The following CDIN1 variants were observed in gnomAD, a reference collection of about 807,000 sequenced individuals.
CDIN1 encodes CDAN1 interacting nuclease 1, also known as CDAN1-interacting nuclease 1.
Under a neutral mutation model 45.3 loss-of-function variants are expected in CDIN1, and 33 were observed. The ratio of observed to expected loss-of-function variants is 0.73; its 90% CI spans 0.55 to 0.97. The LOEUF is 0.97. CDIN1 is among the 50% of genes least tolerant of loss of function. The pLI is 0.00. For missense variants in CDIN1, 303 were observed against 339.4 expected (o/e 0.89, Z 0.84); for synonymous variants, 118 against 124.4 (o/e 0.95, Z 0.34).
intron 1 of CDIN1, among the ~76,000 whole-genome samples, chr15:36,612,957 C>T (rs2038717998): frequency 6.6e-6 from 1 of 152,116 alleles, no homozygotes; most frequent in African/African-American, 2.4e-5. Context: ...GATATTGTAG[C>T]CATTATCAAA....
chr15:36,690,049 A>T (rs901407615), intron 5 of CDIN1, among the ~76,000 whole-genome samples: 3 of 152,160 alleles, frequency 2.0e-5, no homozygotes, highest in Non-Finnish European at 1.5e-5. Context: ...TAGCTGGGTG[A>T]TGCTCTTTTG....
chr15:36,785,012 G>T (rs890506812), intron 10 of CDIN1, among the ~76,000 whole-genome samples: 2 of 152,134 alleles, frequency 1.3e-5, no homozygotes, highest in South Asian at 4.1e-4. Context: ...TTATCTTTCT[G>T]AATTAGCTAA....
Position 36,589,662 on chromosome 15 carries a change from C to T in CDIN1, c.101+9701C>T, listed in dbSNP as rs577630129. 3.3e-5 allele frequency among the ~76,000 whole-genome samples: 5 copies of T among 152,174 alleles called. No individual in the cohort carries two copies. The East Asian group carries it at 7.8e-4, about 24-fold the overall frequency. ...CTGGGACTACAGGCGCCCGCCACCA[C>T]GCCCGGCTAATTTTTGTATTTTTAG... On this transcript the variant is annotated intron_variant, in intron 1 of 10. Transcript: ENST00000566621.
At chr15:36,594,044 T>A (rs1361102920) in intron 1 of CDIN1, among the ~76,000 whole-genome samples, 1 of 152,220 alleles carries the variant, frequency 6.6e-6, no homozygotes, top group East Asian at 1.9e-4. Context: ...CAAAGTTTTC[T>A]TTTAATTTAT....
intron 3 of CDIN1, among the ~76,000 whole-genome samples, chr15:36,652,589 GTTTTA>G (rs2040615807): frequency 6.6e-6 from 1 of 151,994 alleles, no homozygotes; most frequent in Non-Finnish European, 1.5e-5. Context: ...CATTTGCCTT[GTTTTA>G]TTTATTTATT....
At chr15:36,695,916 T>A (rs2042407511) in intron 7 of CDIN1, among the ~76,000 whole-genome samples, 1 of 152,056 alleles carries the variant, frequency 6.6e-6, no homozygotes, top group South Asian at 2.1e-4. Context: ...TATCTCAAAG[T>A]ATTTAGTACA....
intron 10 of CDIN1, among the ~76,000 whole-genome samples, chr15:36,723,963 C>T (rs1039795782): frequency 1.3e-5 from 2 of 152,172 alleles, no homozygotes; most frequent in African/African-American, 4.8e-5. Flanking sequence ...CACTGAACAC[C>T]AATTATGTTC....
chr15:36,734,277 T>TATGAACA (rs549462918), intron 10 of CDIN1: 355 of 298,826 alleles, frequency 1.2e-3, no homozygotes, highest in African/African-American at 6.3e-3. Flanking sequence ...CATATGCTGT[T>TATGAACA]TGTTTTAATT....
chr15:36,613,170 T>G (rs1440072411), intron 1 of CDIN1, among the ~76,000 whole-genome samples: 2 of 152,198 alleles, frequency 1.3e-5, no homozygotes, highest in East Asian at 3.9e-4. Flanking sequence ...TCTCAATGCA[T>G]GTTCATTTGC....
chr15:36,606,544 C>CT (rs1251123929), intron 1 of CDIN1, among the ~76,000 whole-genome samples: 1 of 152,086 alleles, frequency 6.6e-6, no homozygotes, highest in African/African-American at 2.4e-5. Flanking sequence ...AATGAAATTG[C>CT]TTTTTATTAT....
intron 1 of CDIN1, among the ~76,000 whole-genome samples, chr15:36,642,521 A>G (rs990860430): frequency 7.2e-5 from 11 of 152,298 alleles, no homozygotes; most frequent in Middle Eastern, 3.4e-3. Flanking sequence ...GGCTCTGTCC[A>G]TGGTTTTAGC....
chr15:36,790,920 C>T (rs12442788), intron 10 of CDIN1, among the ~76,000 whole-genome samples: 130,725 of 152,112 alleles, frequency 0.86, 59,717 homozygotes, highest in Non-Finnish European at 1. Context: ...GTCACAGGAG[C>T]TTGTTGTACA....
At chr15:36,645,875 C>G (rs879156374) in intron 3 of CDIN1, among the ~76,000 whole-genome samples, 3 of 152,148 alleles carry the variant, frequency 2.0e-5, no homozygotes, top group Admixed American at 2.0e-4. Context: ...GGTATTAAAT[C>G]AACAGCATAG....
At chr15:36,625,683 A>T (rs1489626889) in intron 1 of CDIN1, among the ~76,000 whole-genome samples, 1 of 152,174 alleles carries the variant, frequency 6.6e-6, no homozygotes. Flanking sequence ...TCAGAGTTGA[A>T]CTCGGGAGAG....
chr15:36,704,230 T>TC (rs1284216224), intron 8 of CDIN1: 2 of 152,118 alleles, frequency 1.3e-5, no homozygotes, highest in Non-Finnish European at 2.9e-5. Context: ...ACTAGTATTA[T>TC]CCCCTAAAGA....
At position 36,619,469 on chromosome 15, in the gene CDIN1, T is replaced by TTCTATCTATCTGTCTA. The variant is rs370041510; in HGVS notation, c.102-24798_102-24797insGTCTATCTATCTATCT. ...ATGTGATTTATAAATGCTGGAGGATTTCTATCTATCTATCTATCTATCTAT... is the reference window on the plus strand; with the variant it reads ...ATGTGATTTATAAATGCTGGAGGATTTCTATCTATCTGTCTATCTATCTATCTATCTATCTATCTAT... On this transcript the variant is annotated intron_variant, in intron 1 of 10. Coordinates refer to ENST00000566621, the MANE Select transcript of CDIN1 (RefSeq NM_001321759.2). Among the ~76,000 whole-genome samples, 336 of 147,164 alleles carry TTCTATCTATCTGTCTA rather than the reference T, an allele frequency of 2.3e-3. 1 individual carries two copies. Among genetic ancestry groups the TTCTATCTATCTGTCTA allele is most frequent in the African/African-American group, 7.9e-3 (314 of 39,658 alleles).
rs2140142842 is a variant in CDIN1, at chr15:36,579,914, G to A, written c.54G>A (p.Val18=). Residue 18 remains valine (V), a synonymous_variant, in exon 1 of 11, where the codon GTG becomes GTA. Transcript: ENST00000566621. ...AGATAGCCCAGTGCCTAGTGTCTGT[G>A]CCGCCTACCAGGCAGAGCCTGAGGA... The part of the protein sequence containing the change: ...YDEIAQCLVS[V]PPTRQSLRKL... 1 of 1,613,974 alleles carries A rather than the reference G, an allele frequency of 6.2e-7. No homozygotes were observed. The highest frequency in any genetic ancestry group is 1.7e-5 in the Admixed American group (1 of 60,014).
intron 10 of CDIN1, among the ~76,000 whole-genome samples, chr15:36,722,988 TC>T (rs2043488469): frequency 6.6e-6 from 1 of 151,492 alleles, no homozygotes; most frequent in East Asian, 1.9e-4. Flanking sequence ...TGTGTGTGTT[TC>T]TCTCTCCCTT....
intron 3 of CDIN1, among the ~76,000 whole-genome samples, chr15:36,648,081 C>T (rs1034189931): frequency 1.2e-4 from 19 of 152,048 alleles, no homozygotes; most frequent in Non-Finnish European, 2.1e-4. Flanking sequence ...CCTTGTGATC[C>T]GGCCGCCTCG....
Sources: gnomAD v4.1 joint callset for allele counts (sites outside exome capture counted in the v4.1 genomes callset) on GRCh38, gnomAD v4.1.1 for gene constraint, MANE v1.5 for transcripts, NCBI Gene and HGNC (gene_info 2026-07-23, HGNC 2026-07-21) for gene names.